DNM3: variants seen among roughly 807,000 people sequenced by gnomAD.
DNM3 encodes the protein dynamin 3, also known as dynamin-3.
DNM3 carries 47 observed loss-of-function variants against 101.6 expected under a neutral mutation model. The observed-to-expected ratio is 0.46, with a 90% CI of 0.37 to 0.59. The LOEUF (loss-of-function observed/expected upper bound fraction) is 0.59, where lower values mean the gene tolerates loss of function less well. DNM3 is among the 20% of genes least tolerant of loss of function. DNM3 has a pLI of 0.00. For synonymous variants in DNM3, 385 were observed against 387.9 expected, an observed-to-expected ratio of 0.99 and a Z score of 0.09; for missense variants, 849 against 1,085.7, an observed-to-expected ratio of 0.78 and a Z score of 3.06.
chr1:172,368,824 A>G lies in DNM3; in HGVS notation c.1894-10194A>G, dbSNP rs142622419. On this transcript the variant is annotated intron_variant, in intron 17 of 20. Coordinates refer to ENST00000627582, the MANE Select transcript of DNM3 (RefSeq NM_015569.5). Reference sequence around the variant, plus strand: ...ATATTACAACTGATACTTCAGAAATACAAAGGATTATTGGAGACTTTTATG... The same window carrying G: ...ATATTACAACTGATACTTCAGAAATGCAAAGGATTATTGGAGACTTTTATG... 7.3e-3 allele frequency among the ~76,000 whole-genome samples: 1,115 copies of G among 152,040 alleles called. 9 individuals carry two copies. Among genetic ancestry groups the G allele is most frequent in the Non-Finnish European group, 0.011 (753 of 67,914 alleles).
At chr1:171,961,510 G>A (rs1272297494) in intron 2 of DNM3, among the ~76,000 whole-genome samples, 1 of 152,136 alleles carries the variant, frequency 6.6e-6, no homozygotes, top group African/African-American at 2.4e-5. Flanking sequence ...AATGGAAATT[G>A]GTACAGCCAT....
At chr1:172,134,748 T>C (rs567713043) in intron 14 of DNM3, among the ~76,000 whole-genome samples, 2 of 152,212 alleles carry the variant, frequency 1.3e-5, no homozygotes, top group Admixed American at 6.6e-5. Context: ...CAGTGATGAG[T>C]TGACATAGAG....
chr1:171,848,782 C>G (rs958323796), intron 1 of DNM3, among the ~76,000 whole-genome samples: 2 of 152,154 alleles, frequency 1.3e-5, no homozygotes, highest in Non-Finnish European at 2.9e-5. Flanking sequence ...AATTTTTCAA[C>G]AAGCATTAAT....
Position 172,131,247 on chromosome 1 carries a change from G to A in DNM3, c.1618G>A (p.Val540Ile), listed in dbSNP as rs775303605. The A allele has an allele frequency of 3.0e-5, 49 of 1,613,188 alleles. No homozygotes were observed. The highest frequency in any genetic ancestry group is 5.0e-5 in the Admixed American group (3 of 59,900). Residue 540 changes from valine to isoleucine, a missense_variant, in exon 14 of 21, where the codon GTC (valine) becomes ATC (isoleucine). Transcript: ENST00000627582. ...AGGCGGCTCGAAGGGATACTGGTTCGTCCTTACTGCGGAAAGCTTGTCCTG... is the reference window on the plus strand; with the variant it reads ...AGGCGGCTCGAAGGGATACTGGTTCATCCTTACTGCGGAAAGCTTGTCCTG... ...MKGGSKGYWFVLTAESLSWYK... is the reference protein window; with the variant it reads ...MKGGSKGYWFILTAESLSWYK...
At chr1:171,899,976 AG>A (rs2038157394) in intron 1 of DNM3, among the ~76,000 whole-genome samples, 1 of 152,246 alleles carries the variant, frequency 6.6e-6, no homozygotes, top group South Asian at 2.1e-4. Context: ...TGCAAAGGCA[AG>A]GATGCAAGAA....
chr1:172,104,038 C>G (rs1425584538), intron 13 of DNM3, among the ~76,000 whole-genome samples: 1 of 152,074 alleles, frequency 6.6e-6, no homozygotes, highest in Non-Finnish European at 1.5e-5. Context: ...ACCTATTTAA[C>G]AGACTTTGGT....
chr1:172,077,283 A>AT (rs1391220797), intron 11 of DNM3, among the ~76,000 whole-genome samples: 1 of 151,408 alleles, frequency 6.6e-6, no homozygotes, highest in Non-Finnish European at 1.5e-5. Context: ...GGATTCATTG[A>AT]TTTTTTGAAG....
At chr1:172,361,426 T>C (rs2067733685) in intron 17 of DNM3, among the ~76,000 whole-genome samples, 1 of 151,954 alleles carries the variant, frequency 6.6e-6, no homozygotes, top group African/African-American at 2.4e-5. Context: ...CCTGAGACCA[T>C]AAATAGCATT....
At chr1:172,287,643 CA>C (rs1262504209) in intron 15 of DNM3, among the ~76,000 whole-genome samples, 1 of 151,820 alleles carries the variant, frequency 6.6e-6, no homozygotes. Context: ...AACTGAGGTC[CA>C]AAAAACTCGT....
chr1:171,853,414 G>A (rs115281420), intron 1 of DNM3, among the ~76,000 whole-genome samples: 2,276 of 152,180 alleles, frequency 0.015, 57 homozygotes, highest in African/African-American at 0.052. Flanking sequence ...TATTTCTCCT[G>A]CCTTGGCCTC....
chr1:172,100,236 C>T (rs1354227803), intron 13 of DNM3, among the ~76,000 whole-genome samples: 1 of 152,168 alleles, frequency 6.6e-6, no homozygotes, highest in Non-Finnish European at 1.5e-5. Context: ...GGATTATCAA[C>T]CTTTTGTATT....
chr1:172,001,992 G>C (rs551814497), intron 4 of DNM3, among the ~76,000 whole-genome samples: 1 of 152,086 alleles, frequency 6.6e-6, no homozygotes, highest in South Asian at 2.1e-4. Flanking sequence ...AAACATCCAG[G>C]CATTGTCAAC....
At chr1:172,081,688 G>T in intron 11 of DNM3, 144 bp from the exon 12 acceptor site, 2 of 642,056 alleles carry the variant, frequency 3.1e-6, no homozygotes, top group Non-Finnish European at 5.2e-6. Context: ...GTCTAATAAA[G>T]AAAAGTTAAG....
chr1:172,261,704 CT>C (rs1293694687), intron 15 of DNM3, among the ~76,000 whole-genome samples: 2 of 152,222 alleles, frequency 1.3e-5, no homozygotes, highest in Non-Finnish European at 1.5e-5. Flanking sequence ...TGGTCCACCC[CT>C]GTGGTAGCAG....
chr1:172,234,745 C>G (rs1470745616), intron 14 of DNM3, among the ~76,000 whole-genome samples: 1 of 152,116 alleles, frequency 6.6e-6, no homozygotes, highest in Non-Finnish European at 1.5e-5. Context: ...CTACACCGAT[C>G]TGATCTTCGA....
intron 10 of DNM3, among the ~76,000 whole-genome samples, chr1:172,052,622 T>C (rs2050286203): frequency 6.6e-6 from 1 of 152,192 alleles, no homozygotes; most frequent in African/African-American, 2.4e-5. Flanking sequence ...GACGCTCTTA[T>C]TCCTGAGACT....
chr1:171,885,305 C>T (rs909491435), intron 1 of DNM3, among the ~76,000 whole-genome samples: 6 of 152,072 alleles, frequency 3.9e-5, no homozygotes, highest in Admixed American at 6.5e-5. Flanking sequence ...TTATTTTTTA[C>T]GGAAAAGTAA....
chr1:172,176,380 A>G (rs2059154902), intron 14 of DNM3, among the ~76,000 whole-genome samples: 1 of 151,836 alleles, frequency 6.6e-6, no homozygotes, highest in African/African-American at 2.4e-5. Flanking sequence ...TTTTAGACTT[A>G]TGATCTCCAG....
At chr1:171,992,521 A>G (rs760069642) in intron 4 of DNM3, among the ~76,000 whole-genome samples, 16 of 152,292 alleles carry the variant, frequency 1.1e-4, no homozygotes, top group South Asian at 1.0e-3. Context: ...GGCTTGGCTT[A>G]TTTACAAACT....
Sources: gnomAD v4.1 joint callset for allele counts (sites outside exome capture counted in the v4.1 genomes callset) on GRCh38, gnomAD v4.1.1 for gene constraint, MANE v1.5 for transcripts, NCBI Gene and HGNC (gene_info 2026-07-23, HGNC 2026-07-21) for gene names.